Variants in ALDH1A2 observed in about 807,000 individuals in gnomAD.
ALDH1A2 encodes retinal dehydrogenase 2.
A neutral mutation model predicts 60.3 loss-of-function variants in ALDH1A2; 27 were observed. The ratio of observed to expected loss-of-function variants is 0.45; its 90% CI spans 0.33 to 0.62. The LOEUF (loss-of-function observed/expected upper bound fraction) is 0.62, where lower values mean the gene tolerates loss of function less well. Ranked by LOEUF, ALDH1A2 falls within the 20% of genes least tolerant of loss-of-function variation. ALDH1A2 has a pLI of 0.02. For synonymous variants in ALDH1A2, 289 were observed against 232.4 expected, an observed-to-expected ratio of 1.24 and a Z score of -2.21; for missense variants, 581 against 643.8, an observed-to-expected ratio of 0.90 and a Z score of 1.06.
chr15:58,024,084 A>T (rs1232319580), intron 1 of ALDH1A2, among the ~76,000 whole-genome samples: 2 of 152,078 alleles, frequency 1.3e-5, no homozygotes, highest in African/African-American at 4.8e-5. Flanking sequence ...CAAAAGCAAA[A>T]TTCCATCTCA....
chr15:58,037,008 C>A (rs1896392936), intron 1 of ALDH1A2, among the ~76,000 whole-genome samples: 1 of 151,580 alleles, frequency 6.6e-6, no homozygotes, highest in Admixed American at 6.6e-5. Context: ...TTATCTGATA[C>A]CCCGATTTAA....
intron 1 of ALDH1A2, among the ~76,000 whole-genome samples, chr15:58,021,479 C>T (rs552164705): frequency 1.3e-5 from 2 of 152,156 alleles, no homozygotes; most frequent in Non-Finnish European, 2.9e-5. Context: ...CAGCCAACAT[C>T]CCCACCGTGG....
At chr15:58,062,739 G>A (rs1382453025) in intron 1 of ALDH1A2, among the ~76,000 whole-genome samples, 2 of 152,098 alleles carry the variant, frequency 1.3e-5, no homozygotes, top group Non-Finnish European at 2.9e-5. Context: ...TTTAAAACTT[G>A]GGATCCAGCT....
intron 1 of ALDH1A2, among the ~76,000 whole-genome samples, chr15:58,018,858 G>GA (rs1288047139): frequency 6.6e-6 from 1 of 151,918 alleles, no homozygotes; most frequent in African/African-American, 2.4e-5. Flanking sequence ...CTAGTAAAAT[G>GA]AAAACAACTG....
intron 7 of ALDH1A2, among the ~76,000 whole-genome samples, chr15:57,969,527 G>GGTTCC (rs1324964683): frequency 3.9e-5 from 6 of 152,134 alleles, no homozygotes; most frequent in African/African-American, 9.7e-5. Flanking sequence ...CAGGGATACT[G>GGTTCC]TCCCTCCTGA....
At chr15:58,031,178 T>G (rs1896231419) in intron 1 of ALDH1A2, among the ~76,000 whole-genome samples, 1 of 151,978 alleles carries the variant, frequency 6.6e-6, no homozygotes, top group African/African-American at 2.4e-5. Context: ...CACAGACCAA[T>G]GGAACACAAC....
At chr15:58,034,355 T>C (rs922627847) in intron 1 of ALDH1A2, among the ~76,000 whole-genome samples, 1 of 151,792 alleles carries the variant, frequency 6.6e-6, no homozygotes, top group Non-Finnish European at 1.5e-5. Context: ...CAGTTCTAGA[T>C]GTTTTTTTCT....
chr15:57,987,027 T>C (rs1385149979), intron 7 of ALDH1A2, among the ~76,000 whole-genome samples: 1 of 152,066 alleles, frequency 6.6e-6, no homozygotes, highest in Non-Finnish European at 1.5e-5. Flanking sequence ...GAAGAAAATA[T>C]AAGATATTTA....
intron 1 of ALDH1A2, chr15:58,038,588 G>A (rs1896435512): frequency 6.6e-6 from 1 of 151,688 alleles, no homozygotes; most frequent in Admixed American, 6.6e-5. Flanking sequence ...CAACTAACTG[G>A]TCTGATCAGC....
intron 4 of ALDH1A2, among the ~76,000 whole-genome samples, chr15:58,005,192 C>T (rs1238045042): frequency 2.0e-5 from 3 of 151,902 alleles, no homozygotes; most frequent in African/African-American, 7.2e-5. Context: ...GTCCCTGACT[C>T]CATGTTCACT....
At chr15:58,060,543 G>T (rs1897003711) in intron 1 of ALDH1A2, among the ~76,000 whole-genome samples, 2 of 121,718 alleles carry the variant, frequency 1.6e-5, no homozygotes, top group South Asian at 2.7e-4. Flanking sequence ...TCAAATAAAT[G>T]TAACTGTCCA....
At chr15:57,963,056 G>A (rs2140451386) in intron 9 of ALDH1A2, among the ~76,000 whole-genome samples, 1 of 152,232 alleles carries the variant, frequency 6.6e-6, no homozygotes, top group East Asian at 1.9e-4. Context: ...TAACCATACA[G>A]CAAAAGGGAA....
chr15:58,044,206 G>C (rs1896586241), intron 1 of ALDH1A2, among the ~76,000 whole-genome samples: 2 of 151,804 alleles, frequency 1.3e-5, no homozygotes, highest in African/African-American at 4.8e-5. Flanking sequence ...TTGTTACCTA[G>C]GTATACATGT....
Position 57,962,115 on chromosome 15 carries a change from G to GCAT in ALDH1A2, c.1147_1148insATG (p.Gly382_Ala383insAsp). The GCAT allele has an allele frequency of 6.2e-7, 1 of 1,614,110 alleles. No homozygotes were observed. Among genetic ancestry groups the GCAT allele is most frequent in the Non-Finnish European group, 8.5e-7 (1 of 1,180,010 alleles). On this transcript the variant is annotated inframe_insertion, in exon 10 of 13. Coordinates refer to ENST00000249750, the MANE Select transcript of ALDH1A2 (RefSeq NM_003888.4). ...TCCTTTGCCTCCACATTCCAGCTTG[G>GCAT]CGCCCTCAGCCACACCACTCTGGAT...
chr15:58,004,726 T>C (rs200869922), intron 4 of ALDH1A2, among the ~76,000 whole-genome samples: 15 of 113,636 alleles, frequency 1.3e-4, no homozygotes, highest in African/African-American at 3.1e-4. Flanking sequence ...TGTGTATATA[T>C]ATACATATAT....
chr15:58,028,137 G>A (rs1305651483), intron 1 of ALDH1A2, among the ~76,000 whole-genome samples: 2 of 152,126 alleles, frequency 1.3e-5, no homozygotes, highest in Non-Finnish European at 2.9e-5. Context: ...AAAATGTTAA[G>A]GGCAGCCAGA....
chr15:57,994,346 G>C (rs778148731), intron 5 of ALDH1A2, among the ~76,000 whole-genome samples: 6 of 152,052 alleles, frequency 3.9e-5, no homozygotes, highest in Non-Finnish European at 7.4e-5. Context: ...AGATTATCTT[G>C]AGTTATACTA....
intron 1 of ALDH1A2, among the ~76,000 whole-genome samples, chr15:58,044,938 G>A (rs1260560929): frequency 4.0e-5 from 6 of 151,804 alleles, no homozygotes; most frequent in African/African-American, 1.2e-4. Flanking sequence ...GTAGAATCTC[G>A]GTATCCCAGA....
At chr15:58,052,134 G>A (rs375762692) in intron 1 of ALDH1A2, among the ~76,000 whole-genome samples, 3 of 152,052 alleles carry the variant, frequency 2.0e-5, no homozygotes, top group Non-Finnish European at 4.4e-5. Context: ...TTTATATAAC[G>A]AGAATCATTA....
Sources: gnomAD v4.1 joint callset for allele counts (sites outside exome capture counted in the v4.1 genomes callset) on GRCh38, gnomAD v4.1.1 for gene constraint, MANE v1.5 for transcripts, NCBI Gene and HGNC (gene_info 2026-07-23, HGNC 2026-07-21) for gene names.